The following GRID1 variants were observed in gnomAD, a reference collection of about 807,000 sequenced individuals.
GRID1 encodes glutamate receptor ionotropic, delta-1.
In GRID1, 28 loss-of-function variants were observed where a neutral mutation model predicts 98.0. The ratio of observed to expected loss-of-function variants is 0.29; its 90% CI spans 0.21 to 0.39. The LOEUF (loss-of-function observed/expected upper bound fraction) is 0.39, where lower values mean the gene tolerates loss of function less well. Among genes scored for constraint, GRID1 ranks in the 10% least tolerant of loss-of-function variants. GRID1 has a pLI of 1.00. For synonymous variants in GRID1, 553 were observed against 538.5 expected (o/e 1.03, Z -0.37); for missense variants, 1,111 against 1,340.5 (o/e 0.83, Z 2.67).
chr10:86,088,611 GT>G (rs1844099373), intron 4 of GRID1, among the ~76,000 whole-genome samples: 1 of 152,212 alleles, frequency 6.6e-6, no homozygotes, highest in Non-Finnish European at 1.5e-5. Context: ...GGGGTTCATG[GT>G]TGAGGGCAGG....
intron 4 of GRID1, among the ~76,000 whole-genome samples, chr10:86,007,349 A>G (rs1842872749): frequency 6.6e-6 from 1 of 152,138 alleles, no homozygotes. Context: ...TTGAGTTCCA[A>G]GTCTGAGGTC....
At chr10:86,232,570 T>G (rs1423820652) in intron 2 of GRID1, among the ~76,000 whole-genome samples, 1 of 152,144 alleles carries the variant, frequency 6.6e-6, no homozygotes, top group Non-Finnish European at 1.5e-5. Flanking sequence ...TACTGCGAAG[T>G]GACTGGAATA....
At chr10:86,213,415 G>A (rs972029794) in intron 2 of GRID1, among the ~76,000 whole-genome samples, 6 of 151,816 alleles carry the variant, frequency 4.0e-5, no homozygotes, top group Admixed American at 3.9e-4. Flanking sequence ...CAAGTTCAAC[G>A]AATGACTTAC....
At chr10:86,364,794 C>T (rs1445205466) in intron 1 of GRID1, among the ~76,000 whole-genome samples, 5 of 152,258 alleles carry the variant, frequency 3.3e-5, no homozygotes, top group Non-Finnish European at 7.3e-5. Context: ...GGCGCCTCCA[C>T]GTTCAGATCT....
intron 4 of GRID1, among the ~76,000 whole-genome samples, chr10:86,032,903 A>G (rs114856642): frequency 0.042 from 6,381 of 150,968 alleles, 388 homozygotes; most frequent in African/African-American, 0.13. Context: ...TTCCCTGATT[A>G]TCTCAAAAAT....
At chr10:86,005,291 T>C (rs1842847359) in intron 4 of GRID1, among the ~76,000 whole-genome samples, 1 of 151,902 alleles carries the variant, frequency 6.6e-6, no homozygotes, top group African/African-American at 2.4e-5. Flanking sequence ...CCCCAGGGCA[T>C]ACATTTGTAA....
chr10:85,771,489 A>T (rs1590224658), intron 8 of GRID1, among the ~76,000 whole-genome samples: 1 of 152,148 alleles, frequency 6.6e-6, no homozygotes, highest in African/African-American at 2.4e-5. Context: ...CTTTAAATGT[A>T]AATGGACTAA....
chr10:85,774,770 A>T (rs971867096), intron 8 of GRID1, among the ~76,000 whole-genome samples: 8 of 150,074 alleles, frequency 5.3e-5, no homozygotes, highest in African/African-American at 7.3e-5. Flanking sequence ...TCAAAACCAC[A>T]ATGAGATACC....
chr10:86,035,196 A>T (rs1222943669), intron 4 of GRID1, among the ~76,000 whole-genome samples: 1 of 152,170 alleles, frequency 6.6e-6, no homozygotes, highest in Non-Finnish European at 1.5e-5. Context: ...TCCCTTCATC[A>T]TAGCTGGGGC....
At position 85,669,415 on chromosome 10, in the gene GRID1, C is replaced by G. The variant is rs551513436; in HGVS notation, c.1998-22018G>C. 3.3e-5 allele frequency among the ~76,000 whole-genome samples: 5 copies of G among 152,292 alleles called. No individual in the cohort carries two copies. In the East Asian group the frequency reaches 7.7e-4, roughly 24 times the overall value. On this transcript the variant is annotated intron_variant, in intron 12 of 15. Coordinates refer to ENST00000327946, the MANE Select transcript of GRID1 (RefSeq NM_017551.3). Reference sequence around the variant, plus strand: ...AGGGCTCCAAGGGCCCCTTTGGGGTCATGAGGATGGGCATAAAAGGCAGAT... The same window carrying G: ...AGGGCTCCAAGGGCCCCTTTGGGGTGATGAGGATGGGCATAAAAGGCAGAT...
chr10:86,135,673 T>C (rs1844913878), intron 4 of GRID1, among the ~76,000 whole-genome samples: 1 of 151,916 alleles, frequency 6.6e-6, no homozygotes, highest in Non-Finnish European at 1.5e-5. Flanking sequence ...GCCACAACTC[T>C]TCCACTCACC....
At chr10:86,177,985 G>A (rs1470866785) in intron 3 of GRID1, among the ~76,000 whole-genome samples, 1 of 152,024 alleles carries the variant, frequency 6.6e-6, no homozygotes, top group South Asian at 2.1e-4. Flanking sequence ...CCCCTCCGTG[G>A]GGACAAAGCC....
At chr10:86,123,375 C>T (rs543734881) in intron 4 of GRID1, among the ~76,000 whole-genome samples, 2 of 152,296 alleles carry the variant, frequency 1.3e-5, no homozygotes, top group Admixed American at 1.3e-4. Context: ...CACTATCTCC[C>T]ACAATGTCAG....
At chr10:86,105,454 A>G (rs960371438) in intron 4 of GRID1, among the ~76,000 whole-genome samples, 1 of 152,238 alleles carries the variant, frequency 6.6e-6, no homozygotes, top group Non-Finnish European at 1.5e-5. Flanking sequence ...TCTTCAGAAC[A>G]CACAGCACTG....
At chr10:86,185,940 A>G (rs1027364041) in intron 3 of GRID1, among the ~76,000 whole-genome samples, 1 of 152,222 alleles carries the variant, frequency 6.6e-6, no homozygotes, top group Non-Finnish European at 1.5e-5. Context: ...ATCTAATAGT[A>G]TAAGTTTGGA....
At chr10:86,315,891 C>T (rs560534626) in intron 2 of GRID1, among the ~76,000 whole-genome samples, 1 of 152,286 alleles carries the variant, frequency 6.6e-6, no homozygotes, top group East Asian at 1.9e-4. Flanking sequence ...GCCACCCACC[C>T]ACCCAGGCAG....
intron 12 of GRID1, among the ~76,000 whole-genome samples, chr10:85,649,583 T>C (rs896184946): frequency 1.3e-5 from 2 of 152,022 alleles, no homozygotes; most frequent in East Asian, 1.9e-4. Flanking sequence ...AATTATACAG[T>C]TGAGTCTAAA....
intron 4 of GRID1, among the ~76,000 whole-genome samples, chr10:85,944,269 AT>A (rs1251947375): frequency 2.0e-5 from 3 of 152,228 alleles, no homozygotes; most frequent in Non-Finnish European, 2.9e-5. Context: ...GTTTGGGGTG[AT>A]TTGTTATGCA....
At chr10:86,125,096 G>C (rs1463880330) in intron 4 of GRID1, among the ~76,000 whole-genome samples, 1 of 152,238 alleles carries the variant, frequency 6.6e-6, no homozygotes, top group African/African-American at 2.4e-5. Context: ...CTGAGCACTG[G>C]CATGGACAGG....
Sources: gnomAD v4.1 joint callset for allele counts (sites outside exome capture counted in the v4.1 genomes callset) on GRCh38, gnomAD v4.1.1 for gene constraint, MANE v1.5 for transcripts, NCBI Gene and HGNC (gene_info 2026-07-23, HGNC 2026-07-21) for gene names.